RCBTB2: variants seen among roughly 807,000 people sequenced by gnomAD.
RCBTB2 encodes the protein RCC1 and BTB domain-containing protein 2.
In RCBTB2, 55 loss-of-function variants were observed where a neutral mutation model predicts 65.4. The ratio of observed to expected loss-of-function variants is 0.84; its 90% CI spans 0.68 to 1.05. The LOEUF (loss-of-function observed/expected upper bound fraction) is 1.05. Ranked by LOEUF, RCBTB2 falls within the 50% of genes least tolerant of loss-of-function variation. The pLI, the probability that RCBTB2 is intolerant of heterozygous loss-of-function variation, is 0.00. For synonymous variants in RCBTB2, 220 were observed against 255.2 expected (o/e 0.86, Z 1.31); for missense variants, 599 against 680.1 (o/e 0.88, Z 1.33).
At chr13:48,508,189 G>A (rs928190577) in intron 10 of RCBTB2, among the ~76,000 whole-genome samples, 4 of 152,140 alleles carry the variant, frequency 2.6e-5, no homozygotes, top group Non-Finnish European at 5.9e-5. Flanking sequence ...GTAAGGCTCC[G>A]GGGTTCCCCA....
At chr13:48,515,426 A>G (rs1951030374) in intron 5 of RCBTB2, 71 bp from the exon 6 acceptor site, 20 of 1,488,442 alleles carry the variant, frequency 1.3e-5, no homozygotes, top group Non-Finnish European at 1.7e-5. Flanking sequence ...TCCAAACAGG[A>G]ATCATCTTCC....
chr13:48,501,708 A>T, intron 12 of RCBTB2, 34 bp downstream of exon 12: 1 of 1,571,970 alleles, frequency 6.4e-7, no homozygotes, highest in Middle Eastern at 1.7e-4. Flanking sequence ...TGAACGAATT[A>T]CTTTTCTCAA....
At chr13:48,512,472 T>C (rs1265147358) in intron 7 of RCBTB2, among the ~76,000 whole-genome samples, 2 of 152,258 alleles carry the variant, frequency 1.3e-5, no homozygotes, top group Non-Finnish European at 2.9e-5. Flanking sequence ...GGATTTTTCT[T>C]ATTGCAAATA....
At chr13:48,526,407 A>C (rs1225231752) in intron 1 of RCBTB2, among the ~76,000 whole-genome samples, 1 of 152,052 alleles carries the variant, frequency 6.6e-6, no homozygotes, top group South Asian at 2.1e-4. Context: ...GTGGTAGTAC[A>C]CGCCTGTAGT....
At chr13:48,510,540 A>G (rs760835552) in intron 10 of RCBTB2, 89 bp downstream of exon 10, 112 of 1,392,526 alleles carry the variant, frequency 8.0e-5, no homozygotes, top group Non-Finnish European at 1.1e-4. Flanking sequence ...CACTAGCAGT[A>G]CATTCCCCAC....
In RCBTB2 at chr13:48,489,872, T is replaced by C. The variant is rs1454962452; in HGVS notation, c.*239A>G. ...TGACTCAAAAAGAGGAAATGGTAAA[T>C]AAGATATTTCAATTTTTTTTCCTTG... On this transcript the variant is annotated 3_prime_UTR_variant, in exon 15 of 15. Coordinates refer to ENST00000344532, the MANE Select transcript of RCBTB2 (RefSeq NM_001268.4). 3.8e-6 allele frequency: 2 copies of C among 523,900 alleles called. No homozygotes were observed. Among genetic ancestry groups the C allele is most frequent in the East Asian group, 3.4e-5 (1 of 29,316 alleles). The allele number at this position is 523,900 out of a possible 1,614,324, so 32.5% of individuals were successfully genotyped here.
At chr13:48,518,877 G>A (rs911707668) in intron 4 of RCBTB2, among the ~76,000 whole-genome samples, 1 of 152,116 alleles carries the variant, frequency 6.6e-6, no homozygotes, top group African/African-American at 2.4e-5. Flanking sequence ...TTTTCTATGA[G>A]GCCTTCGTTT....
intron 1 of RCBTB2, among the ~76,000 whole-genome samples, chr13:48,531,128 A>G (rs2138673228): frequency 6.6e-6 from 1 of 152,256 alleles, no homozygotes; most frequent in East Asian, 1.9e-4. Flanking sequence ...TATGTTTTTT[A>G]TCATTCTTTG....
At chr13:48,501,304 C>T (rs1307041312) in intron 12 of RCBTB2, among the ~76,000 whole-genome samples, 1 of 152,170 alleles carries the variant, frequency 6.6e-6, no homozygotes, top group African/African-American at 2.4e-5. Context: ...TCACTATAGA[C>T]CTTTTTGGTC....
At position 48,499,009 on chromosome 13, in the gene RCBTB2, T is replaced by A. The variant is rs79682159; in HGVS notation, c.1384+612A>T. Among the ~76,000 whole-genome samples, 5 of 151,894 alleles carry A rather than the reference T, an allele frequency of 3.3e-5. No homozygotes were observed. In the East Asian group the frequency reaches 9.7e-4, roughly 29 times the overall value. On this transcript the variant is annotated intron_variant, in intron 13 of 14. Transcript: ENST00000344532. Reference sequence around the variant, plus strand: ...TATACAACCCCAACCCAGGAGACCATCATCTCACACCTGAACCAATATAAT... The same window carrying A: ...TATACAACCCCAACCCAGGAGACCAACATCTCACACCTGAACCAATATAAT...
Position 48,499,631 on chromosome 13 carries a change from C to G in RCBTB2, c.1374G>C (p.Glu458Asp), listed in dbSNP as rs1950142247. The G allele has an allele frequency of 1.9e-6, 3 of 1,614,040 alleles. No individual in the cohort carries two copies. Among genetic ancestry groups the G allele is most frequent in the Non-Finnish European group, 2.5e-6 (3 of 1,179,982 alleles). ...LYTDSISLSPEEAVGLLDLAT... is the reference protein window; with the variant it reads ...LYTDSISLSPDEAVGLLDLAT... ...GTCTTTGGCAATTACCTACTGCCTCCTCAGGAGAAAGGCTGATGCTGTCTG... is the reference window on the plus strand; with the variant it reads ...GTCTTTGGCAATTACCTACTGCCTCGTCAGGAGAAAGGCTGATGCTGTCTG... Residue 458 changes from glutamate (E) to aspartate (D), a missense_variant, in exon 13 of 15, where the codon GAG becomes GAC. Coordinates refer to ENST00000344532, the MANE Select transcript of RCBTB2 (RefSeq NM_001268.4).
At chr13:48,525,435 T>C (rs1452211479) in intron 1 of RCBTB2, among the ~76,000 whole-genome samples, 1 of 144,266 alleles carries the variant, frequency 6.9e-6, no homozygotes, top group Non-Finnish European at 1.5e-5. Context: ...TATATATGTA[T>C]ATATAACTGA....
chr13:48,518,814 G>A (rs1049171815), intron 4 of RCBTB2, among the ~76,000 whole-genome samples: 3 of 152,072 alleles, frequency 2.0e-5, no homozygotes, highest in African/African-American at 7.2e-5. Flanking sequence ...TTAGCTTTTA[G>A]TTAAGCTTCT....
chr13:48,502,668 C>G (rs996678643), intron 11 of RCBTB2, 56 bp downstream of exon 11: 1 of 1,524,952 alleles, frequency 6.6e-7, no homozygotes, highest in African/African-American at 1.4e-5. Flanking sequence ...AAGTAAAGCC[C>G]TGAGCTCTTT....
chr13:48,496,431 A>T, intron 13 of RCBTB2, 110 bp from the exon 14 acceptor site: 1 of 1,134,616 alleles, frequency 8.8e-7, no homozygotes, highest in Non-Finnish European at 1.2e-6. Context: ...TATAATCCTC[A>T]GTGAAGCACT....
At chr13:48,512,481 T>C (rs151171441) in intron 7 of RCBTB2, among the ~76,000 whole-genome samples, 10 of 152,328 alleles carry the variant, frequency 6.6e-5, no homozygotes, top group Non-Finnish European at 1.5e-4. Flanking sequence ...TTATTGCAAA[T>C]AACCTCTTTA....
At chr13:48,522,862 T>C (rs530868520) in intron 2 of RCBTB2, among the ~76,000 whole-genome samples, 29 of 152,268 alleles carry the variant, frequency 1.9e-4, no homozygotes, top group South Asian at 1.0e-3. Flanking sequence ...AATAGACAGA[T>C]AAAAACAATA....
At chr13:48,519,941 C>T (rs1281501274) in intron 4 of RCBTB2, among the ~76,000 whole-genome samples, 1 of 152,090 alleles carries the variant, frequency 6.6e-6, no homozygotes, top group African/African-American at 2.4e-5. Context: ...AAACCCAAAA[C>T]TTTTTGAGCA....
chr13:48,508,880 C>T (rs1031824802), intron 10 of RCBTB2, among the ~76,000 whole-genome samples: 1 of 152,162 alleles, frequency 6.6e-6, no homozygotes, highest in Non-Finnish European at 1.5e-5. Flanking sequence ...AATCCATCTG[C>T]CCCAGTGAGA....
Sources: gnomAD v4.1 joint callset for allele counts (sites outside exome capture counted in the v4.1 genomes callset) on GRCh38, gnomAD v4.1.1 for gene constraint, MANE v1.5 for transcripts, NCBI Gene and HGNC (gene_info 2026-07-23, HGNC 2026-07-21) for gene names.